DNAH9: variants seen among roughly 807,000 people sequenced by gnomAD.
DNAH9 encodes DNAH9 variant protein.
A neutral mutation model predicts 471.6 loss-of-function variants in DNAH9; 345 were observed. That is an observed-to-expected ratio of 0.73 (90% confidence interval 0.67 to 0.80). The LOEUF is 0.80. DNAH9 is among the 30% of genes least tolerant of loss of function. The pLI is 0.00. For synonymous variants in DNAH9, 2,093 were observed against 2,123.6 expected (o/e 0.99, Z 0.40); for missense variants, 5,407 against 5,609.2 (o/e 0.96, Z 1.15).
At chr17:11,959,137 A>G (rs1975866346) in intron 67 of DNAH9, among the ~76,000 whole-genome samples, 1 of 152,204 alleles carries the variant, frequency 6.6e-6, no homozygotes. Flanking sequence ...GTCAACTTAA[A>G]GGATATCCAA....
intron 68 of DNAH9, among the ~76,000 whole-genome samples, chr17:11,966,615 CTAATT>C (rs1235469465): frequency 6.6e-6 from 1 of 152,228 alleles, no homozygotes. Flanking sequence ...TCTCTTCTAT[CTAATT>C]TAAAGGACAA....
chr17:11,751,400 A>G (rs1967144917), intron 32 of DNAH9, among the ~76,000 whole-genome samples: 2 of 152,056 alleles, frequency 1.3e-5, no homozygotes, highest in South Asian at 2.1e-4. Flanking sequence ...CTCAAAAATA[A>G]TACCCTTTGA....
rs368369205 is a variant in DNAH9, at chr17:11,905,657, G to A, written c.11601-4G>A. 1 of 1,609,932 alleles carries A rather than the reference G, an allele frequency of 6.2e-7. No homozygotes were observed. On this transcript the variant is annotated splice_region_variant and splice_polypyrimidine_tract_variant and intron_variant, in intron 60 of 68. Transcript: ENST00000262442. The stretch of plus-strand genomic sequence containing the variant: ...TAAATCTATATGTGCTTTTTTTCTG[G>A]CAGAGATTTTGTTGAAGAGAAGTTA...
chr17:11,902,779 A>G lies in DNAH9; in HGVS notation c.11467A>G (p.Ser3823Gly). 6 of 1,614,046 alleles carry G rather than the reference A, an allele frequency of 3.7e-6. No homozygotes were observed. The highest frequency in any genetic ancestry group is 5.1e-6 in the Non-Finnish European group (6 of 1,179,896). ...TCGGGACATAGAGGGATCTGCTAAGAGCTGGAAAAAGTTTGTGGAGTCCGA... is the reference window on the plus strand; with the variant it reads ...TCGGGACATAGAGGGATCTGCTAAGGGCTGGAAAAAGTTTGTGGAGTCCGA... ...LDRDIEGSAK[S>G]WKKFVESECP... The change falls in exon 60 of 69, where the codon AGC (serine) becomes GGC (glycine). Residue 3823 changes from serine (S) to glycine (G), a missense_variant. By Grantham distance (56) the Ser-to-Gly change is moderately conservative. Around this residue, in one of 3 missense-constraint regions of DNAH9, gnomAD observed 4,636 missense variants for 4,900.3 expected, o/e 0.95. Transcript: ENST00000262442.
In DNAH9 at chr17:11,745,078, G is replaced by A. The variant is rs1031612930; in HGVS notation, c.6393G>A (p.Val2131=). Residue 2131 remains valine (V), a synonymous_variant, in exon 31 of 69, where the codon GTG becomes GTA. Transcript: ENST00000262442. The part of the protein sequence containing the change: ...DLKLQAEDNF[V]LKVVQLEELL... ...AGCTCCAGGCTGAGGACAACTTTGT[G>A]CTCAAGGTACATGTGGTTTTTCCTC... 6.2e-7 allele frequency: 1 copy of A among 1,610,990 alleles called. No homozygotes were observed. Among genetic ancestry groups the A allele is most frequent in the African/African-American group, 1.3e-5 (1 of 74,816 alleles).
chr17:11,943,363 T>C (rs955332952), intron 67 of DNAH9, among the ~76,000 whole-genome samples: 15 of 152,052 alleles, frequency 9.9e-5, no homozygotes, highest in Admixed American at 8.5e-4. Flanking sequence ...TGGAGTCACA[T>C]AGATGATGAA....
At chr17:11,666,521 C>A (rs1202697623) in intron 15 of DNAH9, among the ~76,000 whole-genome samples, 2 of 152,158 alleles carry the variant, frequency 1.3e-5, no homozygotes, top group Non-Finnish European at 2.9e-5. Flanking sequence ...AATATAGAGG[C>A]CCTTCGAATT....
At chr17:11,763,745 A>T in intron 36 of DNAH9, 131 bp downstream of exon 36, 1 of 860,346 alleles carries the variant, frequency 1.2e-6, no homozygotes, top group South Asian at 1.7e-5. Flanking sequence ...CTATTTAGTC[A>T]TCTACCTATT....
chr17:11,701,188 GGTGTAACT>G lies in DNAH9; in HGVS notation c.5094_5101del (p.Val1699LeufsTer2). Reference sequence around the variant, plus strand: ...CACTGTGAGGCATGAGATGACAGAAGGTGTAACTGCCTATGAAGAAAAGCCGAGGGAGC... The same window carrying G: ...CACTGTGAGGCATGAGATGACAGAAGGCCTATGAAGAAAAGCCGAGGGAGC... On this transcript the variant is annotated frameshift_variant, in exon 24 of 69. Transcript: ENST00000262442. LOFTEE classifies it high-confidence loss of function. 1 of 1,614,072 alleles carries G rather than the reference GGTGTAACT, an allele frequency of 6.2e-7. No homozygotes were observed. The highest frequency in any genetic ancestry group is 2.2e-5 in the East Asian group (1 of 44,862).
chr17:11,758,804 T>G (rs114604491), intron 35 of DNAH9, among the ~76,000 whole-genome samples: 3,083 of 152,290 alleles, frequency 0.02, 118 homozygotes, highest in African/African-American at 0.071. Context: ...GTGGTCTATT[T>G]TCGTTGTTTA....
At chr17:11,661,722 A>G (rs1446277067) in intron 14 of DNAH9, among the ~76,000 whole-genome samples, 1 of 152,072 alleles carries the variant, frequency 6.6e-6, no homozygotes, top group East Asian at 1.9e-4. Context: ...TATTTTTTAT[A>G]CTGCTGTTGT....
At chr17:11,670,273 T>C (rs1273022811) in intron 17 of DNAH9, among the ~76,000 whole-genome samples, 2 of 152,218 alleles carry the variant, frequency 1.3e-5, no homozygotes, top group East Asian at 3.8e-4. Flanking sequence ...GATATGAAAT[T>C]CTGTCTGTCC....
chr17:11,946,199 C>CAA (rs34028612), intron 67 of DNAH9, among the ~76,000 whole-genome samples: 728 of 43,938 alleles, frequency 0.017, no homozygotes, highest in Non-Finnish European at 0.021. Context: ...GAGTCCATCT[C>CAA]AAAAAAAAAA....
At chr17:11,733,602 A>G (rs543872626) in intron 28 of DNAH9, among the ~76,000 whole-genome samples, 145 of 152,318 alleles carry the variant, frequency 9.5e-4, no homozygotes, top group African/African-American at 3.2e-3. Flanking sequence ...CTGTAATCCC[A>G]GCACTTTGGG....
chr17:11,871,729 GA>G lies in DNAH9; in HGVS notation c.10188del (p.Lys3396AsnfsTer15). 1 of 1,613,014 alleles carries G rather than the reference GA, an allele frequency of 6.2e-7. No homozygotes were observed. The highest frequency in any genetic ancestry group is 8.5e-7 in the Non-Finnish European group (1 of 1,178,960). ...FISYLGFFTK[K>X]YRQSLLDRTW... Reference sequence around the variant, plus strand: ...TTTCCTACCTTGGCTTCTTCACAAAGAAATACCGGCAGAGCCTCCTGGACAG... The same window carrying G: ...TTTCCTACCTTGGCTTCTTCACAAAGAATACCGGCAGAGCCTCCTGGACAG... On this transcript the variant is annotated frameshift_variant, in exon 52 of 69. Transcript: ENST00000262442. LOFTEE classifies it high-confidence loss of function.
At chr17:11,680,130 A>G (rs935531060) in intron 18 of DNAH9, 151 bp downstream of exon 18, 3 of 634,976 alleles carry the variant, frequency 4.7e-6, no homozygotes, top group Non-Finnish European at 8.1e-6. Flanking sequence ...TATTTGTAAC[A>G]TCTAGCAAAT....
rs34723706 is a variant in DNAH9, at chr17:11,905,232, C to CA, written c.11601-415dup. ...CTGGGGACAGAGCGAGAATCCATCT[C>CA]AAAAAAAAAAAAAAGAGAGAGAATA... On this transcript the variant is annotated intron_variant, in intron 60 of 68. Coordinates refer to ENST00000262442, the MANE Select transcript of DNAH9 (RefSeq NM_001372.4). 4.6e-3 allele frequency among the ~76,000 whole-genome samples: 633 copies of CA among 137,364 alleles called. 6 individuals carry two copies. Among genetic ancestry groups the CA allele is most frequent in the African/African-American group, 0.014 (481 of 34,860 alleles). 90.1% of individuals were successfully genotyped at this position (137,364 alleles called of 152,430 possible). A position where few individuals can be genotyped will look rare whatever the true frequency, so the allele number is the denominator to read the frequency against.
In DNAH9 at chr17:11,902,763, A is replaced by C; in HGVS notation, c.11451A>C (p.Ile3817=). Residue 3817 remains isoleucine (I), a synonymous_variant, in exon 60 of 69, where the codon ATA becomes ATC. Coordinates refer to ENST00000262442, the MANE Select transcript of DNAH9 (RefSeq NM_001372.4). ...AATTCTCTAATCTGGATCGGGACAT[A>C]GAGGGATCTGCTAAGAGCTGGAAAA... is the stretch of plus-strand genomic sequence containing the variant. ...MEEFSNLDRD[I]EGSAKSWKKF... The C allele has an allele frequency of 6.2e-7, 1 of 1,614,074 alleles. No individual in the cohort carries two copies. Among genetic ancestry groups the C allele is most frequent in the South Asian group, 1.1e-5 (1 of 91,080 alleles).
At position 11,640,597 on chromosome 17, in the gene DNAH9, G is replaced by A. The variant is rs377582458; in HGVS notation, c.1901+213G>A. ...GGCAGGGCCCTTGGTGTTAAGTGCT[G>A]TAACTGGCTGACTCATTTTGCTCTG... On this transcript the variant is annotated intron_variant, in intron 10 of 68. Coordinates refer to ENST00000262442, the MANE Select transcript of DNAH9 (RefSeq NM_001372.4). Among the ~76,000 whole-genome samples the A allele has an allele frequency of 1.5e-4, 23 of 152,316 alleles. 1 individual carries two copies. In the East Asian group the frequency reaches 3.1e-3, roughly 20 times the overall value.
Sources: allele counts gnomAD v4.1 joint callset (sites outside exome capture counted in the v4.1 genomes callset), GRCh38; gene constraint gnomAD v4.1.1; regional missense constraint gnomAD v4.1.1; transcripts MANE v1.5; gene names NCBI Gene and HGNC (gene_info 2026-07-23, HGNC 2026-07-21).